Variants in ANK3 observed in about 807,000 individuals in gnomAD.
ANK3 encodes the protein ankyrin 3.
In ANK3, 57 loss-of-function variants were observed where a neutral mutation model predicts 370.9. The ratio of observed to expected loss-of-function variants is 0.15; its 90% confidence interval spans 0.12 to 0.19. The LOEUF is 0.19. Ranked by LOEUF, ANK3 falls within the 10% of genes least tolerant of loss-of-function variation. The probability of loss-of-function intolerance (pLI) is 1.00; values close to 1 mark genes in which losing one functional copy is unlikely to be tolerated. For missense variants in ANK3, 4,439 were observed against 5,302.1 expected (o/e 0.84, Z 5.06); for synonymous variants, 1,929 against 1,946.3 (o/e 0.99, Z 0.23).
chr10:60,073,731 G>C lies in ANK3; in HGVS notation c.7150C>G (p.Pro2384Ala), dbSNP rs768244472. The C allele has an allele frequency of 5.6e-6, 9 of 1,613,778 alleles. No homozygotes were observed. Among genetic ancestry groups the C allele is most frequent in the Non-Finnish European group, 6.8e-6 (8 of 1,180,010 alleles). The change falls in exon 37 of 44, where the codon CCT becomes GCT. Residue 2384 changes from proline to alanine, a missense_variant. By Grantham distance (27) the Pro-to-Ala change is conservative. Transcript: ENST00000280772. ...TGCTGACCCTGTTCCTCTGAACAAG[G>C]AAAAGCATCGTGTTTTTCTGGCAGA... ...DFLPEKHDAF[P>A]CSEEQGQQEE...
chr10:60,053,321 G>A (rs2078468173), intron 42 of ANK3, among the ~76,000 whole-genome samples: 1 of 152,220 alleles, frequency 6.6e-6, no homozygotes, highest in Non-Finnish European at 1.5e-5. Context: ...ATCATAAGTT[G>A]AGGAAAGGTT....
intron 2 of ANK3, among the ~76,000 whole-genome samples, chr10:60,450,368 TC>T (rs1384588934): frequency 6.6e-6 from 1 of 152,146 alleles, no homozygotes; most frequent in Non-Finnish European, 1.5e-5. Context: ...ATGTAAATAC[TC>T]CCATCATGGC....
At chr10:60,395,626 C>CTTTCTT (rs60896139) in intron 2 of ANK3, among the ~76,000 whole-genome samples, 2 of 71,224 alleles carry the variant, frequency 2.8e-5, no homozygotes, top group Admixed American at 1.3e-4. Context: ...CGTTCTCTCT[C>CTTTCTT]TCTCTCTCTC....
At chr10:60,425,923 T>A (rs935642621) in intron 2 of ANK3, among the ~76,000 whole-genome samples, 3 of 152,118 alleles carry the variant, frequency 2.0e-5, no homozygotes, top group Non-Finnish European at 2.9e-5. Flanking sequence ...GCCCTTTAGG[T>A]TCTCTAGGTC....
intron 23 of ANK3, chr10:60,140,076 A>T (rs546733738): frequency 2.0e-6 from 1 of 490,984 alleles, no homozygotes; most frequent in Non-Finnish European, 3.6e-6. Flanking sequence ...TCCCCCAGAT[A>T]TATTTTCCAA....
intron 7 of ANK3, among the ~76,000 whole-genome samples, chr10:60,249,024 A>AT (rs1306072355): frequency 1.1e-4 from 17 of 152,230 alleles, no homozygotes; most frequent in Non-Finnish European, 1.3e-4. Context: ...CAACTCTTTC[A>AT]TTTTAAATAA....
At chr10:60,140,761 T>G in intron 23 of ANK3, 1 of 1,075,702 alleles carries the variant, frequency 9.3e-7, no homozygotes. Context: ...GTTATTTGTA[T>G]GTAAATATGA....
At chr10:60,511,327 G>A (rs577540950) in intron 2 of ANK3, among the ~76,000 whole-genome samples, 51 of 152,114 alleles carry the variant, frequency 3.4e-4, no homozygotes, top group Admixed American at 5.2e-4. Context: ...AGCCGTGAAA[G>A]GATAAAAGAG....
chr10:60,416,762 G>T (rs983588989), intron 2 of ANK3, among the ~76,000 whole-genome samples: 2 of 152,122 alleles, frequency 1.3e-5, no homozygotes, highest in African/African-American at 2.4e-5. Context: ...TACCATATTA[G>T]ACAGCATAGA....
intron 1 of ANK3, among the ~76,000 whole-genome samples, chr10:60,628,241 T>C (rs946159418): frequency 2.6e-5 from 4 of 152,160 alleles, no homozygotes; most frequent in Non-Finnish European, 5.9e-5. Context: ...ACGTCATTGT[T>C]CCAGAACCCC....
intron 8 of ANK3, among the ~76,000 whole-genome samples, chr10:60,231,358 T>G (rs1202918588): frequency 2.0e-5 from 3 of 152,184 alleles, no homozygotes; most frequent in Non-Finnish European, 4.4e-5. Context: ...ACAAGGTCCC[T>G]TACAGTGCTG....
chr10:60,363,118 A>G (rs2058875940), intron 1 of ANK3, among the ~76,000 whole-genome samples: 1 of 151,916 alleles, frequency 6.6e-6, no homozygotes, highest in Admixed American at 6.6e-5. Context: ...TACAACATGC[A>G]GTTCTGGCCA....
intron 1 of ANK3, among the ~76,000 whole-genome samples, chr10:60,679,209 G>A (rs558939402): frequency 3.9e-4 from 59 of 152,252 alleles, no homozygotes; most frequent in Admixed American, 9.8e-4. Flanking sequence ...AAATACTCTG[G>A]TAATGTATAA....
intron 2 of ANK3, among the ~76,000 whole-genome samples, chr10:60,469,224 T>C (rs2065110866): frequency 4.3e-3 from 1 of 234 alleles, no homozygotes; most frequent in African/African-American, 0.017. Context: ...TTTTAGTGCA[T>C]ATATATATAT....
intron 2 of ANK3, among the ~76,000 whole-genome samples, chr10:60,469,077 A>ATATATACCACTTTTAGTG (rs1226587186): frequency 3.8e-5 from 3 of 77,976 alleles, no homozygotes; most frequent in African/African-American, 1.4e-4. Flanking sequence ...ATATATATAT[A>ATATATACCACTTTTAGTG]TATATATATA....
chr10:60,353,501 C>T (rs1020070046), intron 1 of ANK3, among the ~76,000 whole-genome samples: 2 of 152,176 alleles, frequency 1.3e-5, no homozygotes, highest in African/African-American at 4.8e-5. Flanking sequence ...TCCTGCCACA[C>T]AATCTTCCTT....
intron 42 of ANK3, among the ~76,000 whole-genome samples, chr10:60,051,785 A>ATGTGTGTG (rs5785428): frequency 3.2e-4 from 47 of 148,184 alleles, no homozygotes; most frequent in East Asian, 1.6e-3. Flanking sequence ...TACTCTGTGC[A>ATGTGTGTG]TGTGTGTGTG....
chr10:60,316,816 C>T (rs563876219), intron 1 of ANK3, among the ~76,000 whole-genome samples: 5 of 152,140 alleles, frequency 3.3e-5, no homozygotes, highest in East Asian at 3.9e-4. Flanking sequence ...GGCACGATCT[C>T]GGCTCACTGC....
chr10:60,142,495 C>T (rs1353006790), intron 23 of ANK3, among the ~76,000 whole-genome samples: 1 of 152,006 alleles, frequency 6.6e-6, no homozygotes, highest in Non-Finnish European at 1.5e-5. Context: ...GAATCCATGA[C>T]TGATAATAAA....
Sources: allele counts gnomAD v4.1 joint callset (sites outside exome capture counted in the v4.1 genomes callset), GRCh38; gene constraint gnomAD v4.1.1; transcripts MANE v1.5; gene names NCBI Gene and HGNC (gene_info 2026-07-23, HGNC 2026-07-21).